ASPM: variants seen among roughly 807,000 people sequenced by gnomAD.
ASPM encodes the protein assembly factor for spindle microtubules.
Under a neutral mutation model 366.4 loss-of-function variants are expected in ASPM, and 256 were observed. The observed-to-expected ratio is 0.70, with a 90% confidence interval of 0.63 to 0.77. The LOEUF is 0.77. Ranked by LOEUF, ASPM falls within the 30% of genes least tolerant of loss-of-function variation. ASPM has a pLI of 0.00. For synonymous variants in ASPM, 1,414 were observed against 1,342.9 expected (o/e 1.05, Z -1.16); for missense variants, 4,146 against 4,090.4 (o/e 1.01, Z -0.37).
chr1:197,120,789 G>A (rs907536661), intron 16 of ASPM, among the ~76,000 whole-genome samples: 1 of 152,050 alleles, frequency 6.6e-6, no homozygotes, highest in African/African-American at 2.4e-5. Context: ...TGTAGGCAGG[G>A]AGGCAGATCC....
chr1:197,124,377 G>C, intron 12 of ASPM, 46 bp from the exon 13 acceptor site: 2 of 1,317,590 alleles, frequency 1.5e-6, no homozygotes, highest in Non-Finnish European at 2.2e-6. Context: ...ATTTTCCATA[G>C]ATTATTTTTA....
At position 197,142,905 on chromosome 1, in the gene ASPM, A is replaced by C. The variant is rs1557965437; in HGVS notation, c.1347T>G (p.Ala449=). The change falls in exon 3 of 28, where the codon GCT becomes GCG. Residue 449 remains alanine (A), a synonymous_variant. Transcript: ENST00000367409. ...PECQGSKSPK[A]IFEELVEMKS... is the part of the protein sequence containing the mutation. ...TCATTTCTACTAGTTCTTCAAAAAT[A>C]GCTTTGGGAGATTTTGAACCCTGAC... is the stretch of plus-strand genomic sequence containing the variant. 1.2e-6 allele frequency: 2 copies of C among 1,613,796 alleles called. No homozygotes were observed. Among genetic ancestry groups the C allele is most frequent in the Non-Finnish European group, 1.7e-6 (2 of 1,179,686 alleles).
At position 197,135,107 on chromosome 1, in the gene ASPM, T is replaced by G. The variant is rs1213037865; in HGVS notation, c.2162A>C (p.Asn721Thr). 2.5e-6 allele frequency: 4 copies of G among 1,590,118 alleles called. No homozygotes were observed. Among genetic ancestry groups the G allele is most frequent in the Non-Finnish European group, 3.5e-6 (4 of 1,158,992 alleles). Residue 721 changes from asparagine to threonine, a missense_variant, in exon 5 of 28, where the codon AAT becomes ACT. Physicochemically the swap from Asn to Thr is moderately conservative, Grantham distance 65. Transcript: ENST00000367409. ...AATTTAACGTTTACCTTCAGAAATA[T>G]TTGTTTTTACAGTGAAGTCATCAGG... is the stretch of plus-strand genomic sequence containing the variant. The part of the protein sequence containing the change: ...LTPDDFTVKT[N>T]ISEVNAATLL...
At chr1:197,120,755 C>G (rs1043872729) in intron 16 of ASPM, among the ~76,000 whole-genome samples, 1 of 152,008 alleles carries the variant, frequency 6.6e-6, no homozygotes, top group South Asian at 2.1e-4. Context: ...GGAAAGTTTT[C>G]AGGAAGTTAT....
At chr1:197,098,568 A>C (rs1197910872) in intron 18 of ASPM, among the ~76,000 whole-genome samples, 2 of 151,732 alleles carry the variant, frequency 1.3e-5, no homozygotes, top group Non-Finnish European at 2.9e-5. Flanking sequence ...TTCAATTGTG[A>C]ACTTCTCAGT....
At chr1:197,098,807 T>C (rs1159091912) in intron 18 of ASPM, among the ~76,000 whole-genome samples, 1 of 151,692 alleles carries the variant, frequency 6.6e-6, no homozygotes, top group Non-Finnish European at 1.5e-5. Context: ...TTCCCAGAAC[T>C]TTAATTATTA....
At chr1:197,144,153 A>G (rs1168330141) in intron 1 of ASPM, 53 bp from the exon 2 acceptor site, 38 of 1,275,988 alleles carry the variant, frequency 3.0e-5, no homozygotes, top group Non-Finnish European at 3.6e-5. Context: ...CATAATAACC[A>G]AAACACCTTA....
At chr1:197,135,519 C>T (rs1171248062) in intron 4 of ASPM, among the ~76,000 whole-genome samples, 2 of 150,844 alleles carry the variant, frequency 1.3e-5, no homozygotes, top group Non-Finnish European at 2.9e-5. Context: ...ATAATTGATG[C>T]ATAATAGATG....
chr1:197,123,915 T>G (rs1657995019), intron 13 of ASPM, among the ~76,000 whole-genome samples, 195 bp downstream of exon 13: 1 of 152,148 alleles, frequency 6.6e-6, no homozygotes, highest in African/African-American at 2.4e-5. Flanking sequence ...TTGATAAAAT[T>G]ATCATGTATC....
chr1:197,145,292 G>A, intron 1 of ASPM, among the ~76,000 whole-genome samples: 1 of 152,252 alleles, frequency 6.6e-6, no homozygotes, highest in South Asian at 2.1e-4. Context: ...GAAGGGGATT[G>A]GAGCATTACT....
rs753283734 is a variant in ASPM at position 197,103,348 on chromosome 1, T to C, written c.5903A>G (p.Gln1968Arg). The C allele has an allele frequency of 5.6e-6, 9 of 1,613,320 alleles. No homozygotes were observed. In the South Asian group the frequency reaches 8.8e-5, roughly 16 times the overall value. The change falls in exon 18 of 28, where the codon CAA (glutamine) becomes CGA (arginine). Residue 1968 changes from glutamine (Q) to arginine (R), a missense_variant. By Grantham distance (43) the Gln-to-Arg change is conservative (BLOSUM62 1). Coordinates refer to ENST00000367409, the MANE Select transcript of ASPM (RefSeq NM_018136.5). The stretch of plus-strand genomic sequence containing the variant: ...GATGATAGCACATTTATGTTGCCTT[T>C]GAAGCTGTCTTCTCAGTGTTTTTCC... ...WKGKTLRRQLQRQHKCAIIIQ... is the reference protein window; with the variant it reads ...WKGKTLRRQLRRQHKCAIIIQ...
intron 10 of ASPM, among the ~76,000 whole-genome samples, chr1:197,126,477 ACTTT>A (rs1658096221): frequency 2.2e-5 from 3 of 136,898 alleles, no homozygotes; most frequent in Admixed American, 7.3e-5. Flanking sequence ...AGGGAGGGGG[ACTTT>A]CTTTGTGGAA....
intron 21 of ASPM, 101 bp downstream of exon 21, chr1:197,092,951 A>C (rs927829765): frequency 3.2e-5 from 32 of 995,564 alleles, no homozygotes; most frequent in Middle Eastern, 6.3e-4. Context: ...TGGTCATATT[A>C]GTTCTGAAAT....
chr1:197,086,851 C>T lies in ASPM; in HGVS notation c.10283G>A (p.Ser3428Asn), dbSNP rs555541926. The part of the protein sequence containing the change: ...LYKQKKNSSI[S>N]IPFIPETPVR... Reference sequence around the variant, plus strand: ...AGGTGTTTCTGGGATAAAAGGAATGCTTATAGAAGAATTCTTCTTTTGCTT... The same window carrying T: ...AGGTGTTTCTGGGATAAAAGGAATGTTTATAGAAGAATTCTTCTTTTGCTT... Residue 3428 changes from serine (S) to asparagine (N), a missense_variant, in exon 27 of 28, where the codon AGC (serine) becomes AAC (asparagine). By Grantham distance (46) the Ser-to-Asn change is conservative. Coordinates refer to ENST00000367409, the MANE Select transcript of ASPM (RefSeq NM_018136.5). 3 of 1,611,816 alleles carry T rather than the reference C, an allele frequency of 1.9e-6. No homozygotes were observed. Among genetic ancestry groups the T allele is most frequent in the African/African-American group, 1.3e-5 (1 of 74,970 alleles).
At chr1:197,125,219 A>G (rs753462866) in intron 10 of ASPM, 28 bp from the exon 11 acceptor site, 3 of 1,612,674 alleles carry the variant, frequency 1.9e-6, no homozygotes, top group Non-Finnish European at 2.5e-6. Context: ...TTCAGATGAA[A>G]TTATCATAAA....
chr1:197,139,012 T>C (rs1658502298), intron 4 of ASPM: 2 of 726,086 alleles, frequency 2.8e-6, no homozygotes. Flanking sequence ...ATAGCACTCT[T>C]GTCTTTTGGC....
chr1:197,089,822 T>A, intron 25 of ASPM, 108 bp downstream of exon 25: 1 of 1,079,780 alleles, frequency 9.3e-7, no homozygotes. Flanking sequence ...TGCACATAAA[T>A]GAATTTAACT....
chr1:197,117,650 G>T, intron 17 of ASPM, 139 bp downstream of exon 17: 1 of 746,256 alleles, frequency 1.3e-6, no homozygotes, highest in Non-Finnish European at 2.2e-6. Context: ...AGCTTTTCAG[G>T]TAGTAAATAT....
rs567550742 is a variant in ASPM, at chr1:197,090,131, A to G, written c.9830-47T>C. The G allele has an allele frequency of 2.3e-5, 37 of 1,612,942 alleles. No homozygotes were observed. The South Asian group carries it at 3.6e-4, about 16-fold the overall frequency. ...CACACACAGGTAAATTTACAGCAACAAAATGAAGTTTTAGCTAATAATGTA... is the reference window on the plus strand; with the variant it reads ...CACACACAGGTAAATTTACAGCAACGAAATGAAGTTTTAGCTAATAATGTA... On this transcript the variant is annotated intron_variant, in intron 24 of 27. Transcript: ENST00000367409.
Sources: gnomAD v4.1 joint callset for allele counts (sites outside exome capture counted in the v4.1 genomes callset) on GRCh38, gnomAD v4.1.1 for gene constraint, MANE v1.5 for transcripts, NCBI Gene and HGNC (gene_info 2026-07-23, HGNC 2026-07-21) for gene names.